NMD3: variants seen among roughly 807,000 people sequenced by gnomAD.
NMD3 encodes 60S ribosomal export protein NMD3.
Under a neutral mutation model 73.1 loss-of-function variants are expected in NMD3, and 47 were observed. That is an observed-to-expected ratio of 0.64 (90% CI 0.51 to 0.82). The LOEUF is 0.82. Ranked by LOEUF, NMD3 falls within the 40% of genes least tolerant of loss-of-function variation. The pLI, the probability that NMD3 is intolerant of heterozygous loss-of-function variation, is 0.00. For missense variants in NMD3, 554 were observed against 612.5 expected (o/e 0.90, Z 1.01); for synonymous variants, 210 against 194.5 (o/e 1.08, Z -0.66).
At chr3:161,233,237 G>A (rs777672109) in intron 4 of NMD3, among the ~76,000 whole-genome samples, 162 bp from the exon 5 acceptor site, 15 of 151,604 alleles carry the variant, frequency 9.9e-5, no homozygotes, top group Admixed American at 7.2e-4. Flanking sequence ...CTGTTGTTAC[G>A]TAACCAATGA....
At position 161,249,565 on chromosome 3, in the gene NMD3, C is replaced by T. The variant is rs368937638; in HGVS notation, c.1310+5C>T. 2.0e-5 allele frequency: 31 copies of T among 1,548,280 alleles called. No individual in the cohort carries two copies. Among genetic ancestry groups the T allele is most frequent in the South Asian group, 1.5e-4 (13 of 89,326 alleles). ...CATGGATACAGATGATGAAAGGTCTCGCTTTTCTTTAAATCTCTTATGTTG... is the reference window on the plus strand; with the variant it reads ...CATGGATACAGATGATGAAAGGTCTTGCTTTTCTTTAAATCTCTTATGTTG... On this transcript the variant is annotated splice_donor_5th_base_variant and intron_variant, in intron 14 of 15. Transcript: ENST00000351193.
In NMD3 at chr3:161,247,279, C is replaced by T. The variant is rs1179683073; in HGVS notation, c.1152C>T (p.Asn384=). 4 of 1,611,236 alleles carry T rather than the reference C, an allele frequency of 2.5e-6. No homozygotes were observed. The highest frequency in any genetic ancestry group is 2.7e-5 in the African/African-American group (2 of 74,962). ...LVLGFDLANC[N]LNDEHVNKMN... is the part of the protein sequence containing the mutation. ...TCAGGTTTGATTTGGCCAACTGTAA[C>T]TTAAATGATGAGCATGTCAACAAAA... Residue 384 remains asparagine, a synonymous_variant, in exon 13 of 16, where the codon AAC becomes AAT. Transcript: ENST00000351193.
In NMD3 at chr3:161,251,100, A is replaced by T. The variant is rs1737469993; in HGVS notation, c.*190A>T. The stretch of plus-strand genomic sequence containing the variant: ...GATAGCTTTGAGGTTTTAGATAAGG[A>T]AAGATTATGGAGAATGTAGTTGTTA... On this transcript the variant is annotated 3_prime_UTR_variant, in exon 16 of 16. Coordinates refer to ENST00000351193, the MANE Select transcript of NMD3 (RefSeq NM_015938.5). 1 of 456,864 alleles carries T rather than the reference A, an allele frequency of 2.2e-6. No individual in the cohort carries two copies. The highest frequency in any genetic ancestry group is 3.6e-5 in the South Asian group (1 of 27,910). The allele number at this position is 456,864 out of a possible 1,614,324, so 28.3% of individuals were successfully genotyped here.
chr3:161,238,055 T>C, intron 7 of NMD3, 58 bp from the exon 8 acceptor site: 2 of 1,103,834 alleles, frequency 1.8e-6, no homozygotes. Context: ...GTCATGTTAG[T>C]AGAGGAGAAT....
chr3:161,247,424 A>G (rs1576859453), intron 13 of NMD3, 94 bp downstream of exon 13: 2 of 686,928 alleles, frequency 2.9e-6, no homozygotes, highest in African/African-American at 1.8e-5. Context: ...TTTGAAAATA[A>G]CAAATCAATT....
chr3:161,247,475 T>C, intron 13 of NMD3, 145 bp downstream of exon 13: 1 of 127,450 alleles, frequency 7.8e-6, no homozygotes, highest in Non-Finnish European at 1.5e-5. Context: ...AATAGCAAAA[T>C]TTTTTTTTTT....
At chr3:161,222,537 T>C (rs1024407600) in intron 2 of NMD3, among the ~76,000 whole-genome samples, 3 of 152,112 alleles carry the variant, frequency 2.0e-5, no homozygotes, top group Non-Finnish European at 4.4e-5. Flanking sequence ...ATTTTGAACA[T>C]CTTAAATCTT....
At chr3:161,249,634 G>C in intron 14 of NMD3, 74 bp downstream of exon 14, 1 of 916,558 alleles carries the variant, frequency 1.1e-6, no homozygotes, top group Non-Finnish European at 1.8e-6. Context: ...ATGTTGTAAA[G>C]AAATAGGCAT....
intron 11 of NMD3, 62 bp downstream of exon 11, chr3:161,242,715 C>A (rs1210543007): frequency 1.4e-5 from 21 of 1,502,098 alleles, no homozygotes; most frequent in Non-Finnish European, 1.7e-5. Context: ...TGTTTCAGTC[C>A]CTCTTTTAAA....
chr3:161,247,388 A>AG, intron 13 of NMD3, 58 bp downstream of exon 13: 1 of 996,454 alleles, frequency 1.0e-6, no homozygotes, highest in Non-Finnish European at 1.6e-6. Flanking sequence ...TGTAACTCTT[A>AG]GGGGTAAGAG....
intron 9 of NMD3, 92 bp from the exon 10 acceptor site, chr3:161,240,954 C>A: frequency 1.5e-6 from 1 of 675,738 alleles, no homozygotes; most frequent in South Asian, 2.3e-5. Flanking sequence ...TTTGGTTGGT[C>A]AAATGCAATT....
At position 161,225,144 on chromosome 3, in the gene NMD3, G is replaced by A. The variant is rs934942595; in HGVS notation, c.179+80G>A. 21 of 1,442,970 alleles carry A rather than the reference G, an allele frequency of 1.5e-5. No homozygotes were observed. The East Asian group carries it at 3.1e-4, about 21-fold the overall frequency. The allele number at this position is 1,442,970 out of a possible 1,614,324, so 89.4% of individuals were successfully genotyped here. ...CCACCGAGATATGCTGAGATTACAC[G>A]AAGGTATATGGAGTAAAGTGCATGC... On this transcript the variant is annotated intron_variant, in intron 3 of 15. Coordinates refer to ENST00000351193, the MANE Select transcript of NMD3 (RefSeq NM_015938.5).
chr3:161,236,902 A>G (rs1736777194), intron 7 of NMD3, among the ~76,000 whole-genome samples: 2 of 152,178 alleles, frequency 1.3e-5, no homozygotes, highest in African/African-American at 4.8e-5. Context: ...GTCTGCTCCC[A>G]TTGATCTATA....
In NMD3 at chr3:161,237,808, A is replaced by G. The variant is rs1023415533; in HGVS notation, c.578-305A>G. 5.9e-5 allele frequency among the ~76,000 whole-genome samples: 9 copies of G among 152,140 alleles called. No homozygotes were observed. In the East Asian group the frequency reaches 1.7e-3, roughly 29 times the overall value. On this transcript the variant is annotated intron_variant, in intron 7 of 15. Transcript: ENST00000351193. ...CTCCCAAAGTGCTGGGATTACAGGC[A>G]TGAGCCACCGCACCCGGCTGTTCAT...
At chr3:161,227,395 C>A in intron 4 of NMD3, 52 bp downstream of exon 4, 5 of 939,388 alleles carry the variant, frequency 5.3e-6, no homozygotes, top group Non-Finnish European at 6.4e-6. Context: ...CATTAAAGGT[C>A]TCATTTTCAG....
At chr3:161,234,944 G>T in intron 6 of NMD3, 89 bp downstream of exon 6, 1 of 1,352,658 alleles carries the variant, frequency 7.4e-7, no homozygotes, top group Non-Finnish European at 1.0e-6. Context: ...TCCAGGGATA[G>T]TCTGGGTCCC....
At chr3:161,235,989 G>A (rs942688053) in intron 7 of NMD3, among the ~76,000 whole-genome samples, 16 of 151,716 alleles carry the variant, frequency 1.1e-4, no homozygotes, top group South Asian at 4.2e-4. Context: ...TATTAATTTT[G>A]TTTTTAACAC....
Position 161,227,335 on chromosome 3 carries a change from C to A in NMD3, c.268C>A (p.Leu90Met). ...ALCLKKIKAP[L>M]SKVRLVDAGF... is the part of the protein sequence containing the mutation. ...GTGCTTGAAAAAAATCAAAGCCCCTCTGAGTAAGGTAAGTTAAACAGCTAA... is the reference window on the plus strand; with the variant it reads ...GTGCTTGAAAAAAATCAAAGCCCCTATGAGTAAGGTAAGTTAAACAGCTAA... The change falls in exon 4 of 16, where the codon CTG (leucine) becomes ATG (methionine). Residue 90 changes from leucine (L) to methionine (M), a missense_variant. Coordinates refer to ENST00000351193, the MANE Select transcript of NMD3 (RefSeq NM_015938.5). 1 of 1,593,940 alleles carries A rather than the reference C, an allele frequency of 6.3e-7. No homozygotes were observed. Among genetic ancestry groups the A allele is most frequent in the Non-Finnish European group, 8.6e-7 (1 of 1,164,602 alleles).
At chr3:161,245,443 A>C (rs73026974) in intron 11 of NMD3, among the ~76,000 whole-genome samples, 47,316 of 151,592 alleles carry the variant, frequency 0.31, 7,653 homozygotes, top group East Asian at 0.53. Flanking sequence ...GTTAAATAAA[A>C]TGTAGTCTCC....
Sources: gnomAD v4.1 joint callset for allele counts (sites outside exome capture counted in the v4.1 genomes callset) on GRCh38, gnomAD v4.1.1 for gene constraint, MANE v1.5 for transcripts, NCBI Gene and HGNC (gene_info 2026-07-23, HGNC 2026-07-21) for gene names.